The following PPP1R36 variants were observed in gnomAD, a reference collection of about 807,000 sequenced individuals.
The protein encoded by PPP1R36 is protein phosphatase 1 regulatory subunit 36, also known as chromosome 14 open reading frame 50.
Under a neutral mutation model 53.4 loss-of-function variants are expected in PPP1R36, and 47 were observed. That is an observed-to-expected ratio of 0.88 (90% confidence interval 0.70 to 1.12). PPP1R36 has a LOEUF of 1.12. PPP1R36 is among the 50% of genes most tolerant of loss of function. The pLI, the probability that PPP1R36 is intolerant of heterozygous loss-of-function variation, is 0.00. For synonymous variants in PPP1R36, 153 were observed against 170.5 expected (o/e 0.90, Z 0.80); for missense variants, 456 against 513.9 (o/e 0.89, Z 1.09).
intron 11 of PPP1R36, 38 bp from the exon 12 acceptor site, chr14:64,589,114 C>A (rs746873856): frequency 1.3e-6 from 2 of 1,531,780 alleles, no homozygotes; most frequent in South Asian, 1.2e-5. Flanking sequence ...CAGTCTTTGG[C>A]CTCATCACTT....
chr14:64,551,077 C>T (rs1596719729), intron 2 of PPP1R36, 92 bp downstream of exon 2: 2 of 770,864 alleles, frequency 2.6e-6, no homozygotes, highest in East Asian at 2.7e-5. Context: ...AGAATAAATA[C>T]CCACTGAACC....
intron 2 of PPP1R36, among the ~76,000 whole-genome samples, chr14:64,552,502 TA>T (rs1337341256): frequency 1.3e-5 from 2 of 151,856 alleles, no homozygotes; most frequent in Non-Finnish European, 2.9e-5. Flanking sequence ...AATAAATAAA[TA>T]AATAACATGA....
intron 11 of PPP1R36, chr14:64,588,653 C>G (rs575476808): frequency 5.0e-6 from 1 of 198,648 alleles, no homozygotes; most frequent in African/African-American, 2.3e-5. Context: ...CTCTGCCTCC[C>G]GAGTTTAAGT....
intron 1 of PPP1R36, chr14:64,550,411 G>A (rs1191647463): frequency 2.0e-6 from 1 of 495,084 alleles, no homozygotes; most frequent in Non-Finnish European, 2.9e-6. Flanking sequence ...TAGCTTCCAC[G>A]GTGAAAAGGG....
intron 8 of PPP1R36, among the ~76,000 whole-genome samples, chr14:64,575,654 G>GTT (rs66467437): frequency 1.4e-5 from 2 of 143,146 alleles, no homozygotes; most frequent in Non-Finnish European, 1.5e-5. Context: ...ACATTTTGGG[G>GTT]TTTTTTTTTT....
intron 3 of PPP1R36, among the ~76,000 whole-genome samples, chr14:64,561,146 G>T (rs1179288294): frequency 6.6e-6 from 1 of 152,206 alleles, no homozygotes; most frequent in Admixed American, 6.5e-5. Context: ...TGAAAGTTCT[G>T]AGGTTTCAGT....
intron 3 of PPP1R36, among the ~76,000 whole-genome samples, chr14:64,556,193 C>A (rs2080149949): frequency 6.8e-6 from 1 of 146,290 alleles, no homozygotes; most frequent in East Asian, 2.0e-4. Context: ...GCAGCCTCTG[C>A]CTCCCAGGCT....
At chr14:64,580,609 T>C (rs1375850786) in intron 8 of PPP1R36, among the ~76,000 whole-genome samples, 1 of 152,226 alleles carries the variant, frequency 6.6e-6, no homozygotes, top group East Asian at 1.9e-4. Context: ...TAACCCATGT[T>C]TCCTCTGCCT....
intron 3 of PPP1R36, among the ~76,000 whole-genome samples, chr14:64,554,276 C>G (rs2080127182): frequency 6.6e-6 from 1 of 151,466 alleles, no homozygotes; most frequent in South Asian, 2.1e-4. Context: ...CTCAGCCTCC[C>G]GAGTAGCTGG....
intron 8 of PPP1R36, chr14:64,586,499 GTTCTCTGC>G: frequency 4.8e-6 from 1 of 207,780 alleles, no homozygotes; most frequent in East Asian, 1.0e-4. Flanking sequence ...TTACCCTCTA[GTTCTCTGC>G]TTCCTCTTTA....
chr14:64,586,733 T>C (rs1476546089), intron 8 of PPP1R36, 104 bp from the exon 9 acceptor site: 2 of 729,260 alleles, frequency 2.7e-6, no homozygotes, highest in African/African-American at 3.6e-5. Context: ...GAAAATAATC[T>C]TGGGGCCAAG....
chr14:64,565,899 C>T (rs780247115), intron 6 of PPP1R36, among the ~76,000 whole-genome samples: 2 of 152,166 alleles, frequency 1.3e-5, no homozygotes, highest in Non-Finnish European at 2.9e-5. Flanking sequence ...GATAAAATCC[C>T]AGGGCAAGTA....
intron 3 of PPP1R36, among the ~76,000 whole-genome samples, chr14:64,556,383 A>ACG (rs2080152013): frequency 1.3e-5 from 2 of 151,786 alleles, no homozygotes; most frequent in Non-Finnish European, 1.5e-5. Context: ...GATTATAGGC[A>ACG]TGAGCCACTG....
intron 8 of PPP1R36, among the ~76,000 whole-genome samples, chr14:64,584,257 G>A (rs1478462710): frequency 1.3e-5 from 2 of 152,156 alleles, no homozygotes; most frequent in African/African-American, 4.8e-5. Flanking sequence ...GAAAGAAAGT[G>A]TGTTTCCTGG....
chr14:64,557,441 G>C, intron 3 of PPP1R36, among the ~76,000 whole-genome samples: 1 of 152,060 alleles, frequency 6.6e-6, no homozygotes, highest in Non-Finnish European at 1.5e-5. Context: ...GGACAAACAG[G>C]GGAGGAGGAT....
At chr14:64,585,795 G>A (rs1367432953) in intron 8 of PPP1R36, among the ~76,000 whole-genome samples, 1 of 152,236 alleles carries the variant, frequency 6.6e-6, no homozygotes, top group Non-Finnish European at 1.5e-5. Context: ...CGCTGTGACT[G>A]ATCAAGTGAC....
At chr14:64,552,101 G>A (rs1302245517) in intron 2 of PPP1R36, among the ~76,000 whole-genome samples, 1 of 152,104 alleles carries the variant, frequency 6.6e-6, no homozygotes, top group Admixed American at 6.5e-5. Context: ...TGTGAAGGGA[G>A]AGGGAAAAGC....
chr14:64,569,470 C>T (rs1237856609), intron 7 of PPP1R36, among the ~76,000 whole-genome samples: 1 of 152,132 alleles, frequency 6.6e-6, no homozygotes, highest in Non-Finnish European at 1.5e-5. Flanking sequence ...AACTCTTGTT[C>T]CTGTAAAGCC....
At chr14:64,550,886 T>G (rs759628965) in intron 1 of PPP1R36, 35 bp from the exon 2 acceptor site, 1 of 1,523,784 alleles carries the variant, frequency 6.6e-7, no homozygotes, top group Admixed American at 1.8e-5. Context: ...AATTGAGCTT[T>G]TAATTATTTT....
Sources: gnomAD v4.1 joint callset for allele counts (sites outside exome capture counted in the v4.1 genomes callset) on GRCh38, gnomAD v4.1.1 for gene constraint, MANE v1.5 for transcripts, NCBI Gene and HGNC (gene_info 2026-07-23, HGNC 2026-07-21) for gene names.